CAPN3: variants seen among roughly 807,000 people sequenced by gnomAD.
CAPN3 encodes the protein calpain-3.
In CAPN3, 88 loss-of-function variants were observed where a neutral mutation model predicts 114.0. The observed-to-expected ratio is 0.77, with a 90% CI of 0.65 to 0.92. The LOEUF (loss-of-function observed/expected upper bound fraction) is 0.92, where lower values mean the gene tolerates loss of function less well. Among genes scored for constraint, CAPN3 ranks in the 40% least tolerant of loss-of-function variants. The pLI, the probability that CAPN3 is intolerant of heterozygous loss-of-function variation, is 0.00. For synonymous variants in CAPN3, 386 were observed against 382.9 expected, an observed-to-expected ratio of 1.01 and a Z score of -0.09; for missense variants, 1,028 against 1,069.0, an observed-to-expected ratio of 0.96 and a Z score of 0.53.
At chr15:42,406,026 C>A in intron 15 of CAPN3, 83 bp downstream of exon 15, 1 of 1,179,032 alleles carries the variant, frequency 8.5e-7, no homozygotes, top group South Asian at 1.2e-5. Flanking sequence ...TGTGTGAGCT[C>A]ATATGCATCC....
At chr15:42,401,960 A>G in intron 11 of CAPN3, 150 bp downstream of exon 11, 1 of 1,352,234 alleles carries the variant, frequency 7.4e-7, no homozygotes, top group Non-Finnish European at 1.0e-6. Context: ...GTAACAAGCA[A>G]AAAATACCAG....
At chr15:42,381,826 T>C (rs566230082) in intron 1 of CAPN3, among the ~76,000 whole-genome samples, 28 of 152,228 alleles carry the variant, frequency 1.8e-4, no homozygotes, top group African/African-American at 5.3e-4. Context: ...GTGTGAGTCA[T>C]TGCACCCGGC....
chr15:42,399,749 T>C (rs996151130), intron 10 of CAPN3, 97 bp downstream of exon 10: 8 of 1,046,034 alleles, frequency 7.6e-6, no homozygotes, highest in African/African-American at 1.6e-5. Flanking sequence ...GTTCCAGACG[T>C]CCACTATCTT....
chr15:42,360,656 AAG>A (rs28364373), intron 1 of CAPN3, among the ~76,000 whole-genome samples: 1 of 152,188 alleles, frequency 6.6e-6, no homozygotes, highest in African/African-American at 2.4e-5. Context: ...GTTGGGGTTA[AAG>A]AGAGAGAGAC....
At chr15:42,410,739 A>AGTAGC in intron 21 of CAPN3, 73 bp downstream of exon 21, 7 of 1,382,168 alleles carry the variant, frequency 5.1e-6, no homozygotes, top group Non-Finnish European at 6.2e-6. Flanking sequence ...GGACTAGGCT[A>AGTAGC]CTAGGGCCCC....
Position 42,410,575 on chromosome 15 carries a change from T to A in CAPN3, c.2185-13T>A. ...CAGTGTGTGACCTCCATCCTCAAAT[T>A]TTCTATTGCCAGAAAATTTTCAAAC... On this transcript the variant is annotated splice_polypyrimidine_tract_variant and intron_variant, in intron 20 of 23. Coordinates refer to ENST00000397163, the MANE Select transcript of CAPN3 (RefSeq NM_000070.3). 1 of 1,613,746 alleles carries A rather than the reference T, an allele frequency of 6.2e-7. No homozygotes were observed. Among genetic ancestry groups the A allele is most frequent in the Non-Finnish European group, 8.5e-7 (1 of 1,179,770 alleles).
intron 11 of CAPN3, 49 bp downstream of exon 11, chr15:42,401,859 A>G (rs1357336017): frequency 6.3e-7 from 1 of 1,580,912 alleles, no homozygotes; most frequent in East Asian, 2.3e-5. Flanking sequence ...TTTCCCAGGG[A>G]GGACGCTTCC....
chr15:42,409,855 C>G lies in CAPN3; in HGVS notation c.2050+11C>G. The G allele has an allele frequency of 8.1e-7, 1 of 1,235,142 alleles. No homozygotes were observed. The highest frequency in any genetic ancestry group is 1.1e-6 in the Non-Finnish European group (1 of 908,072). The allele number at this position is 1,235,142 out of a possible 1,614,324, so 76.5% of individuals were successfully genotyped here. A position where few individuals can be genotyped will look rare whatever the true frequency, so the allele number is the denominator to read the frequency against. ...CAGTCGTGAACAAACGTGAGTTGCTCAAACCAAATGGGGGTGGGGTGGGTG... is the reference window on the plus strand; with the variant it reads ...CAGTCGTGAACAAACGTGAGTTGCTGAAACCAAATGGGGGTGGGGTGGGTG... On this transcript the variant is annotated intron_variant, in intron 18 of 23. Transcript: ENST00000397163.
rs201958990 is a variant in CAPN3, at chr15:42,411,699, G to C, written c.2440-48G>C. 3.0e-4 allele frequency: 244 copies of C among 819,026 alleles called. 7 individuals carry two copies. The African/African-American group carries it at 3.5e-3, about 12-fold the overall frequency. 50.7% of individuals were successfully genotyped at this position (819,026 alleles called of 1,614,324 possible). Reference sequence around the variant, plus strand: ...TAAGATTCCTAGGGCGGGGGGGGGGGGGGTCACTCTTTTCTGATCTACATT... The same window carrying C: ...TAAGATTCCTAGGGCGGGGGGGGGGCGGGTCACTCTTTTCTGATCTACATT... On this transcript the variant is annotated intron_variant, in intron 23 of 23. Coordinates refer to ENST00000397163, the MANE Select transcript of CAPN3 (RefSeq NM_000070.3).
intron 1 of CAPN3, among the ~76,000 whole-genome samples, chr15:42,382,471 C>G (rs975561670): frequency 2.0e-5 from 3 of 152,074 alleles, no homozygotes; most frequent in Admixed American, 2.0e-4. Flanking sequence ...CAGGTTCAAG[C>G]GATTCTCTCA....
At chr15:42,367,288 G>A (rs542389922) in intron 1 of CAPN3, among the ~76,000 whole-genome samples, 11 of 152,288 alleles carry the variant, frequency 7.2e-5, no homozygotes, top group African/African-American at 2.4e-4. Context: ...CACACAGAAA[G>A]GAGCTGCTAG....
chr15:42,403,098 G>A, intron 13 of CAPN3, 96 bp downstream of exon 13: 1 of 966,090 alleles, frequency 1.0e-6, no homozygotes, highest in Non-Finnish European at 1.7e-6. Context: ...GTCTCCTCCA[G>A]GGTCCTTCTG....
chr15:42,364,044 G>A (rs778845280), intron 1 of CAPN3, among the ~76,000 whole-genome samples: 1 of 152,178 alleles, frequency 6.6e-6, no homozygotes, highest in Non-Finnish European at 1.5e-5. Flanking sequence ...ACTCATGCAT[G>A]GAAGTAAGGT....
intron 6 of CAPN3, among the ~76,000 whole-genome samples, chr15:42,390,790 G>GT (rs373599109): frequency 0.023 from 2,532 of 109,968 alleles, 54 homozygotes; most frequent in East Asian, 0.11. Flanking sequence ...TTGTTTTTTT[G>GT]TTTTTTTTTT....
intron 3 of CAPN3, among the ~76,000 whole-genome samples, chr15:42,387,162 T>C (rs2053428042): frequency 1.3e-5 from 2 of 152,216 alleles, no homozygotes; most frequent in Admixed American, 1.3e-4. Context: ...GAAAGTGCCA[T>C]TGAAAAGGAG....
chr15:42,364,407 C>T (rs2052726981), intron 1 of CAPN3, among the ~76,000 whole-genome samples: 1 of 152,248 alleles, frequency 6.6e-6, no homozygotes, highest in Non-Finnish European at 1.5e-5. Context: ...ACTCTTATTA[C>T]TGCCTACAAG....
chr15:42,371,535 A>C (rs1441735208), intron 1 of CAPN3, among the ~76,000 whole-genome samples: 10 of 151,922 alleles, frequency 6.6e-5, no homozygotes, highest in Admixed American at 6.6e-4. Context: ...CCTTTTGCTG[A>C]TTTTTCTACT....
At chr15:42,391,369 A>G (rs886221002) in intron 6 of CAPN3, among the ~76,000 whole-genome samples, 1 of 152,134 alleles carries the variant, frequency 6.6e-6, no homozygotes, top group African/African-American at 2.4e-5. Flanking sequence ...ATGCTTAGGT[A>G]ATGACAGAAG....
At chr15:42,408,614 ACC>A in intron 16 of CAPN3, 1 of 410,818 alleles carries the variant, frequency 2.4e-6, no homozygotes, top group Non-Finnish European at 4.6e-6. Context: ...CTGAGACAGA[ACC>A]AGCTTGAGAG....
Sources: allele counts gnomAD v4.1 joint callset (sites outside exome capture counted in the v4.1 genomes callset), GRCh38; gene constraint gnomAD v4.1.1; transcripts MANE v1.5; gene names NCBI Gene and HGNC (gene_info 2026-07-23, HGNC 2026-07-21).